Variants in PARD3B observed in about 807,000 individuals in gnomAD.
The protein encoded by PARD3B is partitioning defective 3 homolog B.
A neutral mutation model predicts 130.2 loss-of-function variants in PARD3B; 103 were observed. The ratio of observed to expected loss-of-function variants is 0.79; its 90% CI spans 0.67 to 0.93. PARD3B has a LOEUF of 0.93. Among genes scored for constraint, PARD3B ranks in the 40% least tolerant of loss-of-function variants. The pLI is 0.00. For synonymous variants in PARD3B, 583 were observed against 553.2 expected, an observed-to-expected ratio of 1.05 and a Z score of -0.76; for missense variants, 1,609 against 1,499.2, an observed-to-expected ratio of 1.07 and a Z score of -1.21.
At chr2:204,672,265 T>C (rs374656454) in intron 1 of PARD3B, among the ~76,000 whole-genome samples, 1 of 152,360 alleles carries the variant, frequency 6.6e-6, no homozygotes. Flanking sequence ...GGAGTTTGGC[T>C]TGCCTTTTCC....
intron 1 of PARD3B, among the ~76,000 whole-genome samples, chr2:204,615,393 A>G (rs1376474160): frequency 6.6e-6 from 1 of 152,226 alleles, no homozygotes; most frequent in African/African-American, 2.4e-5. Context: ...GTAACTTGTT[A>G]TAACACACAT....
chr2:205,447,728 G>A lies in PARD3B; in HGVS notation c.3044+7056G>A, dbSNP rs531419935. The stretch of plus-strand genomic sequence containing the variant: ...AGCACCTTCAGTGGTCAAGCCTCAC[G>A]TCCCACTCATCAGAGGCATCTTCTC... On this transcript the variant is annotated intron_variant, in intron 20 of 22. Transcript: ENST00000406610. Among the ~76,000 whole-genome samples, 274 of 152,302 alleles carry A rather than the reference G, an allele frequency of 1.8e-3. 1 individual carries two copies. Among genetic ancestry groups the A allele is most frequent in the African/African-American group, 6.3e-3 (262 of 41,576 alleles).
intron 2 of PARD3B, among the ~76,000 whole-genome samples, chr2:204,711,929 A>G (rs1171790449): frequency 1.3e-5 from 2 of 152,202 alleles, no homozygotes; most frequent in African/African-American, 4.8e-5. Flanking sequence ...GTAGTTGGAA[A>G]TGGAAGAATT....
chr2:205,590,899 T>A lies in PARD3B; in HGVS notation c.3261-24557T>A, dbSNP rs960108930. On this transcript the variant is annotated intron_variant, in intron 22 of 22. Coordinates refer to ENST00000406610, the MANE Select transcript of PARD3B (RefSeq NM_001302769.2). This position sits in a 1 kb window ranked among gnomAD's most constrained non-coding sequence, Gnocchi z 4.1. Reference sequence around the variant, plus strand: ...CAGGCTTCAAGAATACTTCCTCAAGTAAATATAGTCCAGTGATTCATCCAT... The same window carrying A: ...CAGGCTTCAAGAATACTTCCTCAAGAAAATATAGTCCAGTGATTCATCCAT... Among the ~76,000 whole-genome samples, 1 of 151,984 alleles carries A rather than the reference T, an allele frequency of 6.6e-6. No individual in the cohort carries two copies. The highest frequency in any genetic ancestry group is 2.4e-5 in the African/African-American group (1 of 41,370).
At chr2:204,552,060 A>G (rs2030503072) in intron 1 of PARD3B, among the ~76,000 whole-genome samples, 1 of 152,216 alleles carries the variant, frequency 6.6e-6, no homozygotes, top group African/African-American at 2.4e-5. Context: ...TTAAATGTAA[A>G]TCGCCACAAA....
At chr2:205,485,924 T>C (rs2049422277) in intron 20 of PARD3B, among the ~76,000 whole-genome samples, 1 of 152,180 alleles carries the variant, frequency 6.6e-6, no homozygotes. Context: ...TCATACTTCA[T>C]GATACTTCCT....
chr2:204,660,821 G>A lies in PARD3B; in HGVS notation c.121-25360G>A, dbSNP rs76045553. ...ATGTTTTTAATTCCTAAAGAAAGGT[G>A]CTATGAAAATCTAGTTGATCTTAAC... is the stretch of plus-strand genomic sequence containing the variant. On this transcript the variant is annotated intron_variant, in intron 1 of 22. Coordinates refer to ENST00000406610, the MANE Select transcript of PARD3B (RefSeq NM_001302769.2). Among the ~76,000 whole-genome samples, 523 of 152,272 alleles carry A rather than the reference G, an allele frequency of 3.4e-3. 3 individuals are homozygous for A. The highest frequency in any genetic ancestry group is 0.012 in the African/African-American group (493 of 41,540).
chr2:205,597,210 ATTGTTCTCATCT>A (rs1296525599), intron 22 of PARD3B, among the ~76,000 whole-genome samples: 3 of 152,062 alleles, frequency 2.0e-5, no homozygotes, highest in Non-Finnish European at 4.4e-5. Flanking sequence ...CCCAGAGCCT[ATTGTTCTCATCT>A]TTGTTTGTGT....
At chr2:205,401,162 T>C (rs2046239308) in intron 19 of PARD3B, 39 bp downstream of exon 19, 2 of 1,473,536 alleles carry the variant, frequency 1.4e-6, no homozygotes, top group African/African-American at 1.4e-5. Flanking sequence ...TCTTTGACTC[T>C]ATGGTCTGGG....
intron 2 of PARD3B, among the ~76,000 whole-genome samples, chr2:204,935,267 C>T (rs372002277): frequency 9.9e-5 from 15 of 151,162 alleles, no homozygotes; most frequent in South Asian, 4.2e-4. Flanking sequence ...CAGTGGCTCA[C>T]GCCTGTAATC....
At chr2:205,000,577 A>C (rs1575526771) in intron 3 of PARD3B, among the ~76,000 whole-genome samples, 1 of 152,244 alleles carries the variant, frequency 6.6e-6, no homozygotes, top group Non-Finnish European at 1.5e-5. Flanking sequence ...ACGTCTACTC[A>C]AGTTTAATTG....
At chr2:205,516,874 C>A (rs1209563671) in intron 21 of PARD3B, among the ~76,000 whole-genome samples, 1 of 151,968 alleles carries the variant, frequency 6.6e-6, no homozygotes, top group Non-Finnish European at 1.5e-5. Context: ...CAGTTTTTGC[C>A]CATTTAGTAT....
intron 18 of PARD3B, among the ~76,000 whole-genome samples, chr2:205,379,374 G>T (rs1461465566): frequency 6.6e-6 from 1 of 152,020 alleles, no homozygotes; most frequent in Non-Finnish European, 1.5e-5. Context: ...CTTGACAACT[G>T]TTAGGTGAAA....
intron 21 of PARD3B, among the ~76,000 whole-genome samples, chr2:205,547,250 A>G (rs1301435435): frequency 7.2e-5 from 11 of 152,136 alleles, no homozygotes; most frequent in African/African-American, 2.2e-4. Flanking sequence ...TATTTATTAG[A>G]AAACTAGAAA....
chr2:204,858,560 T>C (rs2045052251), intron 2 of PARD3B, among the ~76,000 whole-genome samples: 1 of 145,950 alleles, frequency 6.9e-6, no homozygotes, highest in Admixed American at 6.8e-5. Context: ...GTTGCCAGAG[T>C]TGGGGTAGGG....
At chr2:205,605,822 C>T (rs73062227) in intron 22 of PARD3B, among the ~76,000 whole-genome samples, 3,471 of 152,134 alleles carry the variant, frequency 0.023, 130 homozygotes, top group African/African-American at 0.078. Context: ...CCAGACTGCC[C>T]GGATTCCTCA....
At chr2:205,465,966 A>T (rs1165197640) in intron 20 of PARD3B, among the ~76,000 whole-genome samples, 1 of 152,240 alleles carries the variant, frequency 6.6e-6, no homozygotes, top group African/African-American at 2.4e-5. Context: ...GGGGTTCTCC[A>T]TACAGAAAGG....
chr2:205,617,654 G>A lies in PARD3B; in HGVS notation c.*1841G>A, dbSNP rs2055477045. On this transcript the variant is annotated 3_prime_UTR_variant, in exon 23 of 23. Coordinates refer to ENST00000406610, the MANE Select transcript of PARD3B (RefSeq NM_001302769.2). Reference sequence around the variant, plus strand: ...TGTTCTGTCATCTCTCTTAAGCCAGGCACCTTTAGAGTGTTTGCAATTTGT... The same window carrying A: ...TGTTCTGTCATCTCTCTTAAGCCAGACACCTTTAGAGTGTTTGCAATTTGT... 6.6e-6 allele frequency: 1 copy of A among 152,124 alleles called. No homozygotes were observed. The highest frequency in any genetic ancestry group is 6.5e-5 in the Admixed American group (1 of 15,278). 9.4% of individuals were successfully genotyped at this position (152,124 alleles called of 1,614,324 possible). A position where few individuals can be genotyped will look rare whatever the true frequency, so the allele number is the denominator to read the frequency against.
intron 18 of PARD3B, among the ~76,000 whole-genome samples, chr2:205,365,003 C>T (rs2044546795): frequency 6.6e-6 from 1 of 151,914 alleles, no homozygotes; most frequent in African/African-American, 2.4e-5. Flanking sequence ...AGTTCAAGAC[C>T]AGCCTGGGCA....
Sources: gnomAD v4.1 joint callset for allele counts (sites outside exome capture counted in the v4.1 genomes callset) on GRCh38, gnomAD v4.1.1 for gene constraint, Gnocchi (gnomAD v3.1) non-coding constraint, MANE v1.5 for transcripts, NCBI Gene and HGNC (gene_info 2026-07-23, HGNC 2026-07-21) for gene names.